SLC28A1: variants seen among roughly 807,000 people sequenced by gnomAD.
The protein encoded by SLC28A1 is sodium/nucleoside cotransporter 1.
A neutral mutation model predicts 74.8 loss-of-function variants in SLC28A1; 64 were observed. The observed-to-expected ratio is 0.86, with a 90% CI of 0.70 to 1.05. SLC28A1 has a LOEUF of 1.05. SLC28A1 is among the 50% of genes least tolerant of loss of function. The pLI is 0.00. For synonymous variants in SLC28A1, 359 were observed against 335.0 expected (o/e 1.07, Z -0.78); for missense variants, 828 against 822.8 (o/e 1.01, Z -0.08).
At chr15:84,886,507 C>T (rs1964619029) in intron 1 of SLC28A1, 165 bp from the exon 2 acceptor site, 2 of 985,394 alleles carry the variant, frequency 2.0e-6, no homozygotes, top group Non-Finnish European at 2.4e-6. Flanking sequence ...GAAGCAGCAG[C>T]CAGTGGGCAG....
At chr15:84,899,721 A>G (rs942460336) in intron 6 of SLC28A1, among the ~76,000 whole-genome samples, 2 of 152,156 alleles carry the variant, frequency 1.3e-5, no homozygotes, top group African/African-American at 2.4e-5. Flanking sequence ...TTTCAGACAT[A>G]AAAAGCAGAT....
At chr15:84,959,399 C>T in the SLC28A1 span, among the ~76,000 whole-genome samples, 1 of 152,138 alleles carries the variant, frequency 6.6e-6, no homozygotes, top group Non-Finnish European at 1.5e-5. Context: ...GCCACCATGA[C>T]CAGTCAGGGA....
chr15:84,931,409 G>C (rs1455155613), intron 12 of SLC28A1, among the ~76,000 whole-genome samples: 1 of 151,648 alleles, frequency 6.6e-6, no homozygotes, highest in Admixed American at 6.6e-5. Context: ...CACTTTGGGA[G>C]GCCAAGGCAG....
chr15:84,966,181 G>A, the SLC28A1 span, among the ~76,000 whole-genome samples: 11 of 152,226 alleles, frequency 7.2e-5, no homozygotes, highest in South Asian at 1.7e-3. Context: ...AGGTTGAAGC[G>A]ATTCTTCTGC....
intron 6 of SLC28A1, among the ~76,000 whole-genome samples, chr15:84,897,259 G>A (rs911625621): frequency 2.7e-5 from 4 of 149,896 alleles, no homozygotes; most frequent in African/African-American, 9.8e-5. Flanking sequence ...GGTGGTACGC[G>A]CCTGTAATTG....
chr15:84,939,504 G>C (rs28403899), intron 15 of SLC28A1: 1 of 152,118 alleles, frequency 6.6e-6, no homozygotes, highest in East Asian at 1.9e-4. Flanking sequence ...TTGTATCAAT[G>C]CTTTATGTTA....
Position 84,916,239 on chromosome 15 carries a change from AC to A in SLC28A1, c.796-2284del, listed in dbSNP as rs1192104268. Reference sequence around the variant, plus strand: ...CTCGGCCTCCCAAAGTGCTGGGATTACTTTTTTTTTTTTTTTTTCAAACATG... The same window carrying A: ...CTCGGCCTCCCAAAGTGCTGGGATTATTTTTTTTTTTTTTTTTCAAACATG... On this transcript the variant is annotated intron_variant, in intron 9 of 18. Coordinates refer to ENST00000394573, the MANE Select transcript of SLC28A1 (RefSeq NM_004213.5). Among the ~76,000 whole-genome samples, 126 of 73,484 alleles carry A rather than the reference AC, an allele frequency of 1.7e-3. 15 individuals carry two copies. The highest frequency in any genetic ancestry group is 8.4e-3 in the African/African-American group (120 of 14,242). The allele number at this position is 73,484 out of a possible 152,430, so 48.2% of individuals were successfully genotyped here.
chr15:84,889,677 TTTCC>T (rs1309924533), intron 4 of SLC28A1, among the ~76,000 whole-genome samples: 4 of 109,828 alleles, frequency 3.6e-5, no homozygotes, highest in Admixed American at 9.7e-5. Flanking sequence ...TCCTTCCTTC[TTTCC>T]TTCCTTCCTT....
rs1020835977 is a variant in SLC28A1 at position 84,887,676 on chromosome 15, C to G, written c.-16-69C>G. On this transcript the variant is annotated intron_variant, in intron 2 of 18. Coordinates refer to ENST00000394573, the MANE Select transcript of SLC28A1 (RefSeq NM_004213.5). ...CCCCACTCAGTCCTCTCCCCTTTCC[C>G]CGGGCCCCTAAACTGGGCCCTGCCC... is the stretch of plus-strand genomic sequence containing the variant. The G allele has an allele frequency of 1.9e-6, 3 of 1,585,034 alleles. No homozygotes were observed. The Admixed American group carries it at 5.2e-5, about 27-fold the overall frequency.
rs45584739 is a variant in SLC28A1, at chr15:84,943,499, T to C, written c.1636T>C (p.Ser546Pro). 6.2e-4 allele frequency: 996 copies of C among 1,613,988 alleles called. 12 individuals are homozygous for C. In the African/African-American group the frequency reaches 0.012, roughly 19 times the overall value. Residue 546 changes from serine (S) to proline (P), a missense_variant, in exon 16 of 19, where the codon TCC becomes CCC. Coordinates refer to ENST00000394573, the MANE Select transcript of SLC28A1 (RefSeq NM_004213.5). The stretch of plus-strand genomic sequence containing the variant: ...CCTCTGTGGATTTGCCAATTTCAGC[T>C]CCATTGGGATCATGCTGGGAGGCTT... ...FALCGFANFS[S>P]IGIMLGGLTS...
intron 9 of SLC28A1, among the ~76,000 whole-genome samples, chr15:84,911,887 G>T (rs891056845): frequency 1.3e-5 from 2 of 148,272 alleles, no homozygotes; most frequent in Non-Finnish European, 3.0e-5. Flanking sequence ...AGAAGAAGAA[G>T]AAGAAAATAA....
intron 2 of SLC28A1, 74 bp from the exon 3 acceptor site, chr15:84,887,670 CT>C: frequency 6.3e-7 from 1 of 1,579,822 alleles, no homozygotes. Flanking sequence ...GTCCTCTCCC[CT>C]TTCCCCGGGC....
intron 12 of SLC28A1, among the ~76,000 whole-genome samples, chr15:84,927,389 T>C (rs1970639693): frequency 6.6e-6 from 1 of 152,182 alleles, no homozygotes; most frequent in Admixed American, 6.6e-5. Context: ...CAACAAAGTA[T>C]GGATAGCCAC....
At chr15:84,936,181 G>A (rs953782907) in intron 15 of SLC28A1, among the ~76,000 whole-genome samples, 1 of 151,180 alleles carries the variant, frequency 6.6e-6, no homozygotes, top group Non-Finnish European at 1.5e-5. Context: ...CTGACCTCGT[G>A]ATCTGCCCAC....
downstream of SLC28A1, among the ~76,000 whole-genome samples, chr15:84,946,112 A>ATATATATATTTTTT (rs57190791): frequency 1.5e-4 from 2 of 13,476 alleles, no homozygotes; most frequent in African/African-American, 6.6e-4. Context: ...ATATATATAT[A>ATATATATATTTTTT]TTTTTTTTTT....
Position 84,921,087 on chromosome 15 carries a change from C to T in SLC28A1, c.957+18C>T. The T allele has an allele frequency of 6.3e-7, 1 of 1,583,514 alleles. No individual in the cohort carries two copies. The highest frequency in any genetic ancestry group is 1.1e-5 in the South Asian group (1 of 90,444). On this transcript the variant is annotated intron_variant, in intron 11 of 18. Coordinates refer to ENST00000394573, the MANE Select transcript of SLC28A1 (RefSeq NM_004213.5). ...TGAGCCAGGTGGGTATGGAAGCCTC[C>T]TACCCTCATGCTCATCAGCAGCTTC...
At chr15:84,943,637 T>C in intron 16 of SLC28A1, 111 bp downstream of exon 16, 1 of 872,270 alleles carries the variant, frequency 1.1e-6, no homozygotes. Context: ...CCAAACAAGA[T>C]GGCCATAGAG....
chr15:84,959,089 G>C, the SLC28A1 span, among the ~76,000 whole-genome samples: 1 of 127,632 alleles, frequency 7.8e-6, no homozygotes, highest in Non-Finnish European at 1.7e-5. Flanking sequence ...GACAGAGTGA[G>C]GCTTCATCTC....
the SLC28A1 span, chr15:84,975,624 C>T: frequency 4.5e-6 from 2 of 448,618 alleles, no homozygotes; most frequent in African/African-American, 4.0e-5. Context: ...AAGAAGCATC[C>T]TTATATTTTT....
Sources: allele counts gnomAD v4.1 joint callset (sites outside exome capture counted in the v4.1 genomes callset), GRCh38; gene constraint gnomAD v4.1.1; transcripts MANE v1.5; gene names NCBI Gene and HGNC (gene_info 2026-07-23, HGNC 2026-07-21).